The following CDH19 variants were observed in gnomAD, a reference collection of about 807,000 sequenced individuals.
CDH19 encodes the protein cadherin 19, also known as cadherin-19.
CDH19 carries 67 observed loss-of-function variants against 64.2 expected under a neutral mutation model. The observed-to-expected ratio is 1.04, with a 90% confidence interval of 0.86 to 1.28. The LOEUF (loss-of-function observed/expected upper bound fraction) is 1.28. CDH19 is among the 50% of genes most tolerant of loss of function. CDH19 has a pLI of 0.00. For synonymous variants in CDH19, 346 were observed against 319.3 expected, an observed-to-expected ratio of 1.08 and a Z score of -0.89; for missense variants, 1,030 against 929.0, an observed-to-expected ratio of 1.11 and a Z score of -1.41.
Position 66,505,076 on chromosome 18 carries a change from A to G in CDH19, c.2055T>C (p.Ser685=), listed in dbSNP as rs1404543807. 1 of 1,613,738 alleles carries G rather than the reference A, an allele frequency of 6.2e-7. No homozygotes were observed. The highest frequency in any genetic ancestry group is 8.5e-7 in the Non-Finnish European group (1 of 1,179,782). The part of the protein sequence containing the change: ...SAEIRSLYRQ[S]LQVGPDSAIF... ...TGGCACTGTCGGGGCCAACTTGCAA[A>G]GACTGCCTGTATAGGCTCCTGATCT... The change falls in exon 12 of 12, where the codon TCT becomes TCC. Residue 685 remains serine, a synonymous_variant. Coordinates refer to ENST00000262150, the MANE Select transcript of CDH19 (RefSeq NM_021153.4).
At chr18:66,516,379 C>A (rs1237794406) in intron 9 of CDH19, among the ~76,000 whole-genome samples, 2 of 151,856 alleles carry the variant, frequency 1.3e-5, no homozygotes, top group Non-Finnish European at 2.9e-5. Flanking sequence ...ACAAAAAAAC[C>A]CACTAACAAT....
At position 66,501,616 on chromosome 18, in the gene CDH19, G is replaced by T. The variant is rs531662666; in HGVS notation, c.*3196C>A. 1 of 152,220 alleles carries T rather than the reference G, an allele frequency of 6.6e-6. No individual in the cohort carries two copies. The highest frequency in any genetic ancestry group is 1.5e-5 in the Non-Finnish European group (1 of 68,000). The allele number at this position is 152,220 out of a possible 1,614,324, so 9.4% of individuals were successfully genotyped here. A position where few individuals can be genotyped will look rare whatever the true frequency, so the allele number is the denominator to read the frequency against. ...GTTGAGATCACTCAGAATTGGAAAA[G>T]AAACAGACCATGTGTTCCAATAGAA... On this transcript the variant is annotated 3_prime_UTR_variant, in exon 12 of 12. Transcript: ENST00000262150.
At chr18:66,505,836 C>T (rs900474987) in intron 11 of CDH19, among the ~76,000 whole-genome samples, 6 of 151,646 alleles carry the variant, frequency 4.0e-5, no homozygotes, top group Admixed American at 4.0e-4. Flanking sequence ...ATCAGGCATT[C>T]TTCTAAAAGC....
At chr18:66,532,694 A>G (rs1362808070) in intron 8 of CDH19, 1 of 449,244 alleles carries the variant, frequency 2.2e-6, no homozygotes, top group Non-Finnish European at 4.5e-6. Flanking sequence ...ATCTTCAAGG[A>G]ATACAGCATC....
chr18:66,596,848 C>T lies in CDH19; in HGVS notation c.-113+7106G>A, dbSNP rs181273608. On this transcript the variant is annotated intron_variant, in intron 1 of 11. Transcript: ENST00000262150. ...CTGTAGTCCCAGCACTTTGGGAGGCCGAGGCGGGCGGATCACGAGGTCAGG... is the reference window on the plus strand; with the variant it reads ...CTGTAGTCCCAGCACTTTGGGAGGCTGAGGCGGGCGGATCACGAGGTCAGG... Among the ~76,000 whole-genome samples the T allele has an allele frequency of 6.0e-4, 91 of 151,054 alleles. 1 individual carries two copies. The East Asian group carries it at 0.015, about 25-fold the overall frequency.
chr18:66,507,978 T>C (rs567694249), intron 11 of CDH19, among the ~76,000 whole-genome samples: 8 of 151,950 alleles, frequency 5.3e-5, no homozygotes, highest in Admixed American at 2.0e-4. Context: ...AGCCAAGATA[T>C]GGAATTGATG....
chr18:66,511,669 C>T lies in CDH19; in HGVS notation c.1475G>A (p.Ser492Asn). Residue 492 changes from serine to asparagine, a missense_variant, in exon 10 of 12, where the codon AGT (serine) becomes AAT (asparagine). Transcript: ENST00000262150. ...TATGGATTCATCTCTATCCACTGCA[C>T]TGATAGTCTGAATTACCTAAAAAAA... ...AGSGQVIQTISAVDRDESIEE... is the reference protein window; with the variant it reads ...AGSGQVIQTINAVDRDESIEE... 6.5e-7 allele frequency: 1 copy of T among 1,535,182 alleles called. No individual in the cohort carries two copies. The highest frequency in any genetic ancestry group is 9.0e-7 in the Non-Finnish European group (1 of 1,113,830).
chr18:66,585,844 G>A (rs1057053200), intron 1 of CDH19, among the ~76,000 whole-genome samples: 1 of 151,960 alleles, frequency 6.6e-6, no homozygotes, highest in Non-Finnish European at 1.5e-5. Flanking sequence ...GACTATGACA[G>A]ATACATATTA....
intron 1 of CDH19, among the ~76,000 whole-genome samples, chr18:66,580,323 A>AT (rs1568208358): frequency 6.6e-6 from 1 of 152,040 alleles, no homozygotes; most frequent in African/African-American, 2.4e-5. Context: ...AAATATTCAA[A>AT]TTTTTCCACT....
intron 1 of CDH19, among the ~76,000 whole-genome samples, chr18:66,582,952 A>G (rs747939361): frequency 2.0e-5 from 3 of 152,146 alleles, no homozygotes; most frequent in Non-Finnish European, 4.4e-5. Context: ...AATTGGTTAA[A>G]TAAATGCTGG....
At chr18:66,593,640 T>C (rs1021635899) in intron 1 of CDH19, among the ~76,000 whole-genome samples, 2 of 152,120 alleles carry the variant, frequency 1.3e-5, no homozygotes, top group Non-Finnish European at 2.9e-5. Flanking sequence ...TTCTAATTTG[T>C]CACTGAAAGA....
At chr18:66,598,197 T>C (rs890948958) in intron 1 of CDH19, among the ~76,000 whole-genome samples, 6 of 152,210 alleles carry the variant, frequency 3.9e-5, no homozygotes, top group Non-Finnish European at 5.9e-5. Context: ...ACACTGCTGA[T>C]GTGAATGTAA....
chr18:66,598,333 T>A (rs1347097622), intron 1 of CDH19, among the ~76,000 whole-genome samples: 1 of 152,132 alleles, frequency 6.6e-6, no homozygotes, highest in Non-Finnish European at 1.5e-5. Context: ...TAGTAGTGGA[T>A]TATTAACTAT....
At chr18:66,527,197 A>G (rs1986257675) in intron 9 of CDH19, among the ~76,000 whole-genome samples, 1 of 151,876 alleles carries the variant, frequency 6.6e-6, no homozygotes. Flanking sequence ...AGTATAACTA[A>G]CAAATACTAC....
intron 6 of CDH19, 87 bp downstream of exon 6, chr18:66,544,630 TAA>T: frequency 1.2e-6 from 1 of 810,314 alleles, no homozygotes; most frequent in Non-Finnish European, 1.8e-6. Flanking sequence ...TTCAATTATT[TAA>T]TGAGTTAAAA....
chr18:66,525,836 A>C (rs942510872), intron 9 of CDH19, among the ~76,000 whole-genome samples: 13 of 152,058 alleles, frequency 8.5e-5, no homozygotes, highest in Non-Finnish European at 1.5e-4. Flanking sequence ...TAGGACTGAG[A>C]CAGACTTCCA....
In CDH19 at chr18:66,501,835, T is replaced by C. The variant is rs1448412276; in HGVS notation, c.*2977A>G. ...AAGCAGTTTAACAAATATTATATGT[T>C]CGCTTAATTGAAAGTAACTAATTCA... is the stretch of plus-strand genomic sequence containing the variant. On this transcript the variant is annotated 3_prime_UTR_variant, in exon 12 of 12. Transcript: ENST00000262150. The C allele has an allele frequency of 6.6e-6, 1 of 152,110 alleles. No homozygotes were observed. Among genetic ancestry groups the C allele is most frequent in the East Asian group, 1.9e-4 (1 of 5,182 alleles). 9.4% of individuals were successfully genotyped at this position (152,110 alleles called of 1,614,324 possible).
chr18:66,560,140 G>A (rs1263664988), intron 3 of CDH19, among the ~76,000 whole-genome samples: 1 of 152,032 alleles, frequency 6.6e-6, no homozygotes. Context: ...TTTTATTGAA[G>A]AAGAATACCT....
At chr18:66,585,401 T>C (rs762091677) in intron 1 of CDH19, among the ~76,000 whole-genome samples, 29 of 152,026 alleles carry the variant, frequency 1.9e-4, no homozygotes, top group Non-Finnish European at 3.8e-4. Flanking sequence ...GGAGCAAGGA[T>C]GGCTGAATAA....
Sources: gnomAD v4.1 joint callset for allele counts (sites outside exome capture counted in the v4.1 genomes callset) on GRCh38, gnomAD v4.1.1 for gene constraint, MANE v1.5 for transcripts, NCBI Gene and HGNC (gene_info 2026-07-23, HGNC 2026-07-21) for gene names.